The following BNC2 variants were observed in gnomAD, a reference collection of about 807,000 sequenced individuals.
BNC2 encodes the protein basonuclin zinc finger protein 2, also known as zinc finger protein basonuclin-2.
In BNC2, 20 loss-of-function variants were observed where a neutral mutation model predicts 76.3. The ratio of observed to expected loss-of-function variants is 0.26; its 90% CI spans 0.18 to 0.38. BNC2 has a LOEUF of 0.38. Ranked by LOEUF, BNC2 falls within the 10% of genes least tolerant of loss-of-function variation. The pLI is 1.00. For missense variants in BNC2, 1,382 were observed against 1,399.8 expected (o/e 0.99, Z 0.20); for synonymous variants, 582 against 514.8 (o/e 1.13, Z -1.77).
At chr9:16,421,840 A>G (rs1251002970) in intron 6 of BNC2, among the ~76,000 whole-genome samples, 3 of 147,200 alleles carry the variant, frequency 2.0e-5, no homozygotes, top group African/African-American at 7.8e-5. Context: ...TCTGCCAACT[A>G]TGAGCAGCTC....
At chr9:16,487,921 G>A (rs1822198219) in intron 5 of BNC2, among the ~76,000 whole-genome samples, 1 of 152,160 alleles carries the variant, frequency 6.6e-6, no homozygotes, top group South Asian at 2.1e-4. Context: ...TACCATAGAT[G>A]GTGAAACAGG....
At chr9:16,793,843 TG>T (rs1817577130) in intron 1 of BNC2, among the ~76,000 whole-genome samples, 1 of 146,130 alleles carries the variant, frequency 6.8e-6, no homozygotes, top group African/African-American at 2.5e-5. Flanking sequence ...AGCTAGTTTT[TG>T]TTTTTTGTGG....
chr9:16,741,770 C>A (rs560740841), intron 1 of BNC2, among the ~76,000 whole-genome samples: 84 of 152,060 alleles, frequency 5.5e-4, no homozygotes, highest in African/African-American at 2.0e-3. Context: ...CCAGCCTGGC[C>A]AACGTGGTGA....
At chr9:16,801,051 G>C (rs1817767891) in intron 1 of BNC2, among the ~76,000 whole-genome samples, 1 of 152,046 alleles carries the variant, frequency 6.6e-6, no homozygotes, top group South Asian at 2.1e-4. Flanking sequence ...AACCCAAAAT[G>C]ATTGTAATTA....
At chr9:16,825,921 AC>A (rs1358603775) in intron 1 of BNC2, among the ~76,000 whole-genome samples, 12 of 152,182 alleles carry the variant, frequency 7.9e-5, no homozygotes, top group African/African-American at 2.4e-4. Context: ...GAGAAGGGAC[AC>A]TTTCTAAACT....
intron 3 of BNC2, among the ~76,000 whole-genome samples, chr9:16,693,708 C>G (rs1332643349): frequency 6.6e-6 from 1 of 152,208 alleles, no homozygotes; most frequent in African/African-American, 2.4e-5. Context: ...AAATTCTTAT[C>G]TCCCAACATC....
intron 5 of BNC2, among the ~76,000 whole-genome samples, chr9:16,452,486 G>A (rs1284448659): frequency 1.3e-5 from 2 of 152,022 alleles, no homozygotes; most frequent in South Asian, 2.1e-4. Flanking sequence ...GCAGTGGCAC[G>A]ATATTGGCTC....
At chr9:16,863,205 G>A (rs755705682) in intron 1 of BNC2, among the ~76,000 whole-genome samples, 6 of 151,894 alleles carry the variant, frequency 4.0e-5, no homozygotes, top group African/African-American at 1.2e-4. Flanking sequence ...GAGCCACCAC[G>A]CCCTGCCCCA....
intron 3 of BNC2, among the ~76,000 whole-genome samples, chr9:16,607,424 G>GT: frequency 6.6e-6 from 1 of 152,254 alleles, no homozygotes; most frequent in East Asian, 1.9e-4. Flanking sequence ...AAACTTGGCT[G>GT]TAACAATTCA....
At chr9:16,811,552 C>CAAAAAAAAAAAAAAAAAAA (rs1179927173) in intron 1 of BNC2, among the ~76,000 whole-genome samples, 1 of 58,040 alleles carries the variant, frequency 1.7e-5, no homozygotes. Flanking sequence ...AACTCCATCT[C>CAAAAAAAAAAAAAAAAAAA]AAAAAAAAAA....
intron 3 of BNC2, among the ~76,000 whole-genome samples, chr9:16,655,410 G>C (rs945755334): frequency 5.9e-5 from 9 of 152,112 alleles, no homozygotes; most frequent in Non-Finnish European, 1.0e-4. Context: ...TCTGCCGACA[G>C]TATGAGACTC....
intron 1 of BNC2, among the ~76,000 whole-genome samples, chr9:16,845,327 T>C (rs1554750261): frequency 6.6e-6 from 1 of 152,172 alleles, no homozygotes; most frequent in Non-Finnish European, 1.5e-5. Context: ...TTTTTACAGT[T>C]ACAGTCCTCA....
chr9:16,825,444 G>A (rs1016438087), intron 1 of BNC2, among the ~76,000 whole-genome samples: 5 of 152,222 alleles, frequency 3.3e-5, no homozygotes, highest in African/African-American at 1.2e-4. Context: ...CTGGAGCTTT[G>A]AGAAAGCTGA....
At chr9:16,617,180 C>T (rs941279615) in intron 3 of BNC2, among the ~76,000 whole-genome samples, 4 of 152,162 alleles carry the variant, frequency 2.6e-5, no homozygotes, top group African/African-American at 4.8e-5. Context: ...CCACTTTAAC[C>T]GTGGCCCTGC....
At chr9:16,852,375 C>T (rs1819149300) in intron 1 of BNC2, among the ~76,000 whole-genome samples, 1 of 152,138 alleles carries the variant, frequency 6.6e-6, no homozygotes, top group South Asian at 2.1e-4. Context: ...ATAAGCAGTT[C>T]AGAAAAGTTC....
At chr9:16,552,491 C>T (rs759645736) in intron 5 of BNC2, 39 bp downstream of exon 5, 68 of 1,575,848 alleles carry the variant, frequency 4.3e-5, no homozygotes, top group Non-Finnish European at 5.2e-5. Flanking sequence ...CACCCACAGT[C>T]GGCCCCGGAC....
At chr9:16,460,022 C>T (rs1167622232) in intron 5 of BNC2, among the ~76,000 whole-genome samples, 1 of 151,950 alleles carries the variant, frequency 6.6e-6, no homozygotes, top group Non-Finnish European at 1.5e-5. Context: ...TTTTTGTTTG[C>T]CCTAAAGACT....
At chr9:16,540,958 C>G (rs925691291) in intron 5 of BNC2, among the ~76,000 whole-genome samples, 1 of 152,176 alleles carries the variant, frequency 6.6e-6, no homozygotes, top group African/African-American at 2.4e-5. Flanking sequence ...CGCCCTATGG[C>G]CATGGATTTG....
intron 3 of BNC2, among the ~76,000 whole-genome samples, chr9:16,623,126 C>T (rs1820907933): frequency 6.6e-6 from 1 of 152,116 alleles, no homozygotes; most frequent in Admixed American, 6.6e-5. Context: ...CATCCTGGCT[C>T]ACTGAAAGCC....
Sources: allele counts gnomAD v4.1 joint callset (sites outside exome capture counted in the v4.1 genomes callset), GRCh38; gene constraint gnomAD v4.1.1; transcripts MANE v1.5; gene names NCBI Gene and HGNC (gene_info 2026-07-23, HGNC 2026-07-21).